The following ZFAT variants were observed in gnomAD, a reference collection of about 807,000 sequenced individuals.
ZFAT encodes zinc finger protein ZFAT.
Under a neutral mutation model 117.7 loss-of-function variants are expected in ZFAT, and 64 were observed. The ratio of observed to expected loss-of-function variants is 0.54; its 90% CI spans 0.44 to 0.67. The LOEUF (loss-of-function observed/expected upper bound fraction) is 0.67. Among genes scored for constraint, ZFAT ranks in the 30% least tolerant of loss-of-function variants. The pLI is 0.00. For missense variants in ZFAT, 1,433 were observed against 1,584.5 expected (o/e 0.90, Z 1.62); for synonymous variants, 679 against 615.0 (o/e 1.10, Z -1.54).
intron 10 of ZFAT, among the ~76,000 whole-genome samples, chr8:134,568,697 C>T (rs1225990965): frequency 2.6e-5 from 4 of 152,204 alleles, no homozygotes; most frequent in African/African-American, 4.8e-5. Context: ...AAGCTAAAAG[C>T]CATCCCTTAC....
At chr8:134,678,594 A>G (rs1832917992) in intron 1 of ZFAT, among the ~76,000 whole-genome samples, 2 of 152,228 alleles carry the variant, frequency 1.3e-5, no homozygotes, top group African/African-American at 2.4e-5. Flanking sequence ...TTTAAATTTC[A>G]TATGGAACCA....
intron 3 of ZFAT, among the ~76,000 whole-genome samples, 156 bp from the exon 4 acceptor site, chr8:134,610,811 C>T (rs958112747): frequency 6.6e-6 from 1 of 152,170 alleles, no homozygotes; most frequent in African/African-American, 2.4e-5. Flanking sequence ...ACCACGGTGG[C>T]TCTTCACTGC....
the ZFAT span, among the ~76,000 whole-genome samples, chr8:134,745,050 A>G: frequency 6.6e-6 from 1 of 152,078 alleles, no homozygotes; most frequent in Admixed American, 6.6e-5. Context: ...CTCTCTTGTA[A>G]GGGCTCGTCT....
At chr8:134,614,715 T>C (rs539508385) in intron 3 of ZFAT, among the ~76,000 whole-genome samples, 1 of 152,272 alleles carries the variant, frequency 6.6e-6, no homozygotes, top group East Asian at 1.9e-4. Flanking sequence ...TCTCCTGCAA[T>C]AGATCTCAGA....
chr8:134,630,232 G>A (rs1046032893), intron 3 of ZFAT, among the ~76,000 whole-genome samples: 2 of 152,168 alleles, frequency 1.3e-5, no homozygotes, highest in Non-Finnish European at 2.9e-5. Context: ...GGAGACCACT[G>A]GGTTTCCACT....
chr8:134,712,996 G>C lies in ZFAT; in HGVS notation c.-133C>G. On this transcript the variant is annotated 5_prime_UTR_variant, in exon 1 of 16. Transcript: ENST00000377838. ...ATTTTTTTAAGAAAAGAGCCGGCGA[G>C]GTTATGGCGAATCTGCGGCATCCAA... The C allele has an allele frequency of 9.1e-7, 1 of 1,103,928 alleles. No individual in the cohort carries two copies. 68.4% of individuals were successfully genotyped at this position (1,103,928 alleles called of 1,614,324 possible).
chr8:134,664,134 C>T (rs962860388), intron 1 of ZFAT, among the ~76,000 whole-genome samples: 1 of 152,014 alleles, frequency 6.6e-6, no homozygotes, highest in African/African-American at 2.4e-5. Context: ...GGCTCTACCC[C>T]CCACTCCACC....
intron 15 of ZFAT, among the ~76,000 whole-genome samples, chr8:134,505,337 T>C (rs1819318445): frequency 6.6e-6 from 1 of 152,184 alleles, no homozygotes; most frequent in Non-Finnish European, 1.5e-5. Context: ...ATTTGCCTCT[T>C]GAGAGCAGGA....
intron 2 of ZFAT, among the ~76,000 whole-genome samples, chr8:134,650,057 G>A (rs1831144286): frequency 6.6e-6 from 1 of 151,878 alleles, no homozygotes; most frequent in South Asian, 2.1e-4. Context: ...ATGACTGTAA[G>A]TTTCCTGAGG....
At chr8:134,574,626 A>C (rs1356446505) in intron 10 of ZFAT, among the ~76,000 whole-genome samples, 2 of 152,098 alleles carry the variant, frequency 1.3e-5, no homozygotes, top group Admixed American at 6.6e-5. Context: ...GGCAATGAAA[A>C]ATTCCTTGGG....
intron 13 of ZFAT, among the ~76,000 whole-genome samples, chr8:134,516,526 T>C (rs1364470629): frequency 1.3e-5 from 2 of 152,188 alleles, no homozygotes; most frequent in African/African-American, 4.8e-5. Context: ...TTTGTTCTGT[T>C]TTGTTTTGTT....
At chr8:134,635,190 G>A (rs1830132641) in intron 3 of ZFAT, among the ~76,000 whole-genome samples, 1 of 152,124 alleles carries the variant, frequency 6.6e-6, no homozygotes, top group African/African-American at 2.4e-5. Context: ...TGACCCTAAG[G>A]GCAGTGCAGA....
intron 15 of ZFAT, among the ~76,000 whole-genome samples, chr8:134,488,750 A>C (rs1817829710): frequency 2.1e-5 from 3 of 142,694 alleles, no homozygotes; most frequent in Admixed American, 6.9e-5. Context: ...GGTCGGGGGA[A>C]GGTGGGGTGG....
intron 1 of ZFAT, among the ~76,000 whole-genome samples, chr8:134,680,802 A>G (rs1050128337): frequency 2.0e-5 from 3 of 152,228 alleles, no homozygotes; most frequent in African/African-American, 7.2e-5. Context: ...TATCTACCGA[A>G]AAATGATTAA....
rs1233244506 is a variant in ZFAT at position 134,602,463 on chromosome 8, C to T, written c.1256G>A (p.Arg419His). Reference sequence around the variant, plus strand: ...TCCGTGGACCAGCATATGGCGGTCACGGTCCAGCTCGTTCTTGAACTTGCG... The same window carrying T: ...TCCGTGGACCAGCATATGGCGGTCATGGTCCAGCTCGTTCTTGAACTTGCG... ...CERKFKNELD[R>H]DRHMLVHGDK... Residue 419 changes from arginine to histidine, a missense_variant, in exon 6 of 16, where the codon CGT becomes CAT. Transcript: ENST00000377838. 2 of 1,613,672 alleles carry T rather than the reference C, an allele frequency of 1.2e-6. No individual in the cohort carries two copies. Among genetic ancestry groups the T allele is most frequent in the Non-Finnish European group, 1.7e-6 (2 of 1,179,998 alleles).
chr8:134,630,645 T>A (rs1325007401), intron 3 of ZFAT, among the ~76,000 whole-genome samples: 2 of 152,190 alleles, frequency 1.3e-5, no homozygotes, highest in African/African-American at 4.8e-5. Flanking sequence ...TTTTATAAAT[T>A]TGACATATTG....
chr8:134,603,171 C>T (rs16905196), intron 5 of ZFAT, among the ~76,000 whole-genome samples: 45,542 of 151,770 alleles, frequency 0.3, 7,104 homozygotes, highest in East Asian at 0.54. Flanking sequence ...TGCATGACAG[C>T]GTGGTATGTA....
At chr8:134,830,474 T>C in the ZFAT span, among the ~76,000 whole-genome samples, 8 of 152,214 alleles carry the variant, frequency 5.3e-5, no homozygotes, top group Non-Finnish European at 1.2e-4. Context: ...AGGAAACTTT[T>C]TGAAAATGAC....
At chr8:134,695,680 G>GC (rs940718204) in intron 1 of ZFAT, among the ~76,000 whole-genome samples, 5 of 136,412 alleles carry the variant, frequency 3.7e-5, no homozygotes, top group African/African-American at 8.5e-5. Flanking sequence ...AGGTGGCACC[G>GC]CCCCCCCAGG....
Sources: allele counts gnomAD v4.1 joint callset (sites outside exome capture counted in the v4.1 genomes callset), GRCh38; gene constraint gnomAD v4.1.1; transcripts MANE v1.5; gene names NCBI Gene and HGNC (gene_info 2026-07-23, HGNC 2026-07-21).